The following SLC17A6 variants were observed in gnomAD, a reference collection of about 807,000 sequenced individuals.
SLC17A6 encodes solute carrier family 17 member 6.
A neutral mutation model predicts 67.1 loss-of-function variants in SLC17A6; 35 were observed. The observed-to-expected ratio is 0.52, with a 90% CI of 0.40 to 0.69. The LOEUF (loss-of-function observed/expected upper bound fraction) is 0.69. Ranked by LOEUF, SLC17A6 falls within the 30% of genes least tolerant of loss-of-function variation. The probability of loss-of-function intolerance (pLI) is 0.00; values close to 1 mark genes in which losing one functional copy is unlikely to be tolerated. For missense variants in SLC17A6, 588 were observed against 723.9 expected (o/e 0.81, Z 2.15); for synonymous variants, 285 against 252.3 (o/e 1.13, Z -1.23).
At chr11:22,341,387 C>T (rs1045300496) in intron 1 of SLC17A6, 141 bp from the exon 2 acceptor site, 1 of 1,262,406 alleles carries the variant, frequency 7.9e-7, no homozygotes, top group African/African-American at 1.5e-5. Flanking sequence ...TTGGTGTCAC[C>T]CCACCACCCT....
At chr11:22,349,153 C>A (rs1855910069) in intron 3 of SLC17A6, among the ~76,000 whole-genome samples, 1 of 152,198 alleles carries the variant, frequency 6.6e-6, no homozygotes, top group Non-Finnish European at 1.5e-5. Flanking sequence ...GAAGGAGTTC[C>A]TCAATCCTTC....
At position 22,370,945 on chromosome 11, in the gene SLC17A6, A is replaced by G. The variant is rs78076506; in HGVS notation, c.1041+757A>G. ...TATAGGAACTCGAAATTTAGAAACT[A>G]CTCTCATATTCATGAACAACCTTTG... On this transcript the variant is annotated intron_variant, in intron 8 of 11. Transcript: ENST00000263160. Among the ~76,000 whole-genome samples, 665 of 152,108 alleles carry G rather than the reference A, an allele frequency of 4.4e-3. 2 individuals are homozygous for G. Among genetic ancestry groups the G allele is most frequent in the African/African-American group, 0.014 (595 of 41,506 alleles).
Position 22,338,505 on chromosome 11 carries a change from G to T in SLC17A6, c.-29G>T, listed in dbSNP as rs372844010. 1 of 1,506,672 alleles carries T rather than the reference G, an allele frequency of 6.6e-7. No homozygotes were observed. Among genetic ancestry groups the T allele is most frequent in the Non-Finnish European group, 9.2e-7 (1 of 1,083,594 alleles). 93.3% of individuals were successfully genotyped at this position (1,506,672 alleles called of 1,614,324 possible). On this transcript the variant is annotated 5_prime_UTR_variant, in exon 1 of 12. Coordinates refer to ENST00000263160, the MANE Select transcript of SLC17A6 (RefSeq NM_020346.3). ...TTCCTAGCAATCACTATTTAAATCT[G>T]GCAAGAACTGACAACAGTCTTTGCA...
rs184132856 is a variant in SLC17A6, at chr11:22,360,535, C to T, written c.574-362C>T. Among the ~76,000 whole-genome samples the T allele has an allele frequency of 4.3e-3, 602 of 139,330 alleles. 5 individuals are homozygous for T. Among genetic ancestry groups the T allele is most frequent in the African/African-American group, 0.013 (515 of 39,642 alleles). 91.4% of individuals were successfully genotyped at this position (139,330 alleles called of 152,430 possible). A position where few individuals can be genotyped will look rare whatever the true frequency, so the allele number is the denominator to read the frequency against. On this transcript the variant is annotated intron_variant, in intron 4 of 11. Coordinates refer to ENST00000263160, the MANE Select transcript of SLC17A6 (RefSeq NM_020346.3). ...AAAAACCCGCTCTCCTTCCCCCCCC[C>T]CCAAAAAAAAGATAGGTTCAAAATA...
At chr11:22,363,969 T>C (rs1211073280) in intron 6 of SLC17A6, among the ~76,000 whole-genome samples, 1 of 152,168 alleles carries the variant, frequency 6.6e-6, no homozygotes, top group Non-Finnish European at 1.5e-5. Context: ...AGTGAAGATA[T>C]GTGACCTTAA....
At chr11:22,338,841 G>A (rs1590374296) in intron 1 of SLC17A6, among the ~76,000 whole-genome samples, 1 of 151,172 alleles carries the variant, frequency 6.6e-6, no homozygotes, top group South Asian at 2.1e-4. Context: ...GTGTGTGTGT[G>A]TGTGTGTGTG....
chr11:22,338,577 G>C lies in SLC17A6; in HGVS notation c.44G>C (p.Gly15Ala). Residue 15 changes from glycine (G) to alanine (A), a missense_variant, in exon 1 of 12, where the codon GGG (glycine) becomes GCG (alanine). Gly to Ala is a moderately conservative substitution (Grantham distance 60). Transcript: ENST00000263160. ...AGGATTTTGGCCCCAGGAAAAGAGG[G>C]GCTAAAGAATTTTGCTGGAAAATCA... ...KQRILAPGKE[G>A]LKNFAGKSLG... 1 of 1,613,760 alleles carries C rather than the reference G, an allele frequency of 6.2e-7. No homozygotes were observed.
intron 11 of SLC17A6, 72 bp from the exon 12 acceptor site, chr11:22,377,333 C>G: frequency 7.5e-7 from 1 of 1,333,514 alleles, no homozygotes; most frequent in Non-Finnish European, 1.0e-6. Context: ...AGTGGTGGTG[C>G]ATTCAGAGAA....
At chr11:22,341,858 C>G in intron 2 of SLC17A6, 78 bp downstream of exon 2, 2 of 1,520,062 alleles carry the variant, frequency 1.3e-6, no homozygotes, top group Non-Finnish European at 1.8e-6. Flanking sequence ...GTTTGAGCCC[C>G]GTTCCCCCGC....
Position 22,338,405 on chromosome 11 carries a change from C to A in SLC17A6, c.-129C>A, listed in dbSNP as rs865903158. On this transcript the variant is annotated 5_prime_UTR_variant, in exon 1 of 12. Coordinates refer to ENST00000263160, the MANE Select transcript of SLC17A6 (RefSeq NM_020346.3). ...CACTCTCACTCTTGCTGGAGGCGAG[C>A]CACTACCATTCTGCTGAGAAGGAAA... is the stretch of plus-strand genomic sequence containing the variant. 3 of 644,180 alleles carry A rather than the reference C, an allele frequency of 4.7e-6. No homozygotes were observed. Among genetic ancestry groups the A allele is most frequent in the East Asian group, 5.5e-5 (2 of 36,558 alleles). The allele number at this position is 644,180 out of a possible 1,614,324, so 39.9% of individuals were successfully genotyped here.
At position 22,374,793 on chromosome 11, in the gene SLC17A6, A is replaced by T. The variant is rs766112740; in HGVS notation, c.1080A>T (p.Thr360=). Residue 360 remains threonine, a synonymous_variant, in exon 9 of 12, where the codon ACA becomes ACT. Coordinates refer to ENST00000263160, the MANE Select transcript of SLC17A6 (RefSeq NM_020346.3). Reference sequence around the variant, plus strand: ...CTGCTGTGCCACACTTAGTAATGACAATTATTGTGCCTATTGGGGGACAAA... The same window carrying T: ...CTGCTGTGCCACACTTAGTAATGACTATTATTGTGCCTATTGGGGGACAAA... The part of the protein sequence containing the change: ...MLSAVPHLVM[T]IIVPIGGQIA... The T allele has an allele frequency of 1.2e-6, 2 of 1,613,366 alleles. No individual in the cohort carries two copies. The highest frequency in any genetic ancestry group is 1.7e-5 in the Admixed American group (1 of 59,866).
intron 9 of SLC17A6, 132 bp downstream of exon 9, chr11:22,375,019 A>G: frequency 1.1e-6 from 1 of 915,730 alleles, no homozygotes; most frequent in Non-Finnish European, 1.6e-6. Flanking sequence ...TTCACTTAAA[A>G]TAACTTCCTC....
intron 3 of SLC17A6, among the ~76,000 whole-genome samples, chr11:22,352,344 T>C (rs1855949589): frequency 6.6e-6 from 1 of 152,214 alleles, no homozygotes; most frequent in African/African-American, 2.4e-5. Flanking sequence ...CCTACAGTTA[T>C]TCTATGAAAA....
intron 4 of SLC17A6, among the ~76,000 whole-genome samples, chr11:22,360,178 GACAC>G (rs1188832979): frequency 6.6e-6 from 1 of 150,710 alleles, no homozygotes. Flanking sequence ...CCTTTACAGA[GACAC>G]AGATGGAGCT....
intron 6 of SLC17A6, among the ~76,000 whole-genome samples, chr11:22,363,602 A>G (rs1856076408): frequency 6.6e-6 from 1 of 152,148 alleles, no homozygotes; most frequent in Non-Finnish European, 1.5e-5. Flanking sequence ...GGCTGCTTCT[A>G]AATTTGCCCT....
intron 3 of SLC17A6, among the ~76,000 whole-genome samples, chr11:22,359,094 A>G (rs1440387665): frequency 6.6e-6 from 1 of 152,222 alleles, no homozygotes; most frequent in African/African-American, 2.4e-5. Flanking sequence ...GTAGAATGAA[A>G]TAGAGTCCAA....
chr11:22,369,306 G>A (rs750441928), intron 7 of SLC17A6, among the ~76,000 whole-genome samples: 1 of 151,850 alleles, frequency 6.6e-6, no homozygotes, highest in African/African-American at 2.4e-5. Flanking sequence ...TTTTTAAAGG[G>A]GTCATATGCA....
chr11:22,353,934 G>A (rs569659026), intron 3 of SLC17A6, among the ~76,000 whole-genome samples: 2 of 152,216 alleles, frequency 1.3e-5, no homozygotes, highest in South Asian at 2.1e-4. Context: ...AATAACCTGG[G>A]AACTGGTTAG....
Position 22,377,491 on chromosome 11 carries a change from A to G in SLC17A6, c.1500A>G (p.Gly500=), listed in dbSNP as rs1230748382. Residue 500 remains glycine, a synonymous_variant, in exon 12 of 12, where the codon GGA becomes GGG. Transcript: ENST00000263160. The part of the protein sequence containing the change: ...GVIFYAIFAS[G]EKQPWADPEE... The stretch of plus-strand genomic sequence containing the variant: ...TATTTTATGCAATATTTGCCTCAGG[A>G]GAGAAACAACCCTGGGCAGACCCGG... 4 of 1,613,980 alleles carry G rather than the reference A, an allele frequency of 2.5e-6. No individual in the cohort carries two copies. In the East Asian group the frequency reaches 8.9e-5, roughly 36 times the overall value.
Sources: allele counts gnomAD v4.1 joint callset (sites outside exome capture counted in the v4.1 genomes callset), GRCh38; gene constraint gnomAD v4.1.1; transcripts MANE v1.5; gene names NCBI Gene and HGNC (gene_info 2026-07-23, HGNC 2026-07-21).